The following FGD4 variants were observed in gnomAD, a reference collection of about 807,000 sequenced individuals.
The protein encoded by FGD4 is FYVE, RhoGEF and PH domain containing 4.
In FGD4, 42 loss-of-function variants were observed where a neutral mutation model predicts 102.0. That is an observed-to-expected ratio of 0.41 (90% CI 0.32 to 0.53). The LOEUF is 0.53. Among genes scored for constraint, FGD4 ranks in the 20% least tolerant of loss-of-function variants. FGD4 has a pLI of 0.21. For synonymous variants in FGD4, 380 were observed against 375.7 expected (o/e 1.01, Z -0.13); for missense variants, 902 against 1,078.2 (o/e 0.84, Z 2.29).
At chr12:32,452,040 A>T (rs1942792754) in intron 1 of FGD4, among the ~76,000 whole-genome samples, 1 of 152,138 alleles carries the variant, frequency 6.6e-6, no homozygotes, top group South Asian at 2.1e-4. Context: ...ATAGGAAGCT[A>T]CGTAAATGTG....
intron 1 of FGD4, among the ~76,000 whole-genome samples, chr12:32,531,928 C>G (rs1467676615): frequency 6.6e-6 from 1 of 152,106 alleles, no homozygotes; most frequent in African/African-American, 2.4e-5. Flanking sequence ...AATTGAGAGT[C>G]AATCATAATT....
At chr12:32,431,273 G>A (rs527711457) in intron 1 of FGD4, among the ~76,000 whole-genome samples, 1 of 152,214 alleles carries the variant, frequency 6.6e-6, no homozygotes, top group African/African-American at 2.4e-5. Flanking sequence ...AAACTTCCGG[G>A]AAAATTATAT....
chr12:32,490,956 G>A (rs982718654), intron 1 of FGD4, among the ~76,000 whole-genome samples: 2 of 152,038 alleles, frequency 1.3e-5, no homozygotes, highest in African/African-American at 4.8e-5. Flanking sequence ...TGCAGTATCC[G>A]ATATGTTTTG....
chr12:32,466,811 T>C (rs140532749), intron 1 of FGD4, among the ~76,000 whole-genome samples: 1 of 136,230 alleles, frequency 7.3e-6, no homozygotes, highest in Non-Finnish European at 1.5e-5. Context: ...GAGGTTGCAG[T>C]GAGCCAAGAT....
At chr12:32,412,152 G>T (rs1941236038) in intron 1 of FGD4, among the ~76,000 whole-genome samples, 1 of 152,210 alleles carries the variant, frequency 6.6e-6, no homozygotes, top group Admixed American at 6.5e-5. Flanking sequence ...ATTGATTACT[G>T]TGGAGAATGA....
chr12:32,593,344 C>G (rs559552660), intron 4 of FGD4, among the ~76,000 whole-genome samples: 1 of 152,300 alleles, frequency 6.6e-6, no homozygotes, highest in Non-Finnish European at 1.5e-5. Flanking sequence ...ATCTCCATCC[C>G]AAAATCCCTA....
At chr12:32,638,914 A>G (rs530585184) in intron 16 of FGD4, 119 bp downstream of exon 16, 1 of 1,539,352 alleles carries the variant, frequency 6.5e-7, no homozygotes, top group African/African-American at 1.4e-5. Flanking sequence ...TTTCATTAAA[A>G]TTGAAAAATA....
At chr12:32,428,885 A>G (rs1941944270) in intron 1 of FGD4, among the ~76,000 whole-genome samples, 2 of 152,224 alleles carry the variant, frequency 1.3e-5, no homozygotes, top group South Asian at 2.1e-4. Context: ...CAGGTCATTT[A>G]TGTTCTTCTC....
intron 1 of FGD4, among the ~76,000 whole-genome samples, chr12:32,438,359 A>G (rs1387719377): frequency 6.6e-6 from 1 of 152,174 alleles, no homozygotes; most frequent in Non-Finnish European, 1.5e-5. Flanking sequence ...GACAAAGGTA[A>G]AAATATCTGC....
intron 1 of FGD4, among the ~76,000 whole-genome samples, chr12:32,486,899 A>G (rs1184198141): frequency 1.3e-5 from 2 of 152,224 alleles, no homozygotes; most frequent in Non-Finnish European, 2.9e-5. Flanking sequence ...ACATCCAAGT[A>G]TAAGCTACTG....
intron 1 of FGD4, among the ~76,000 whole-genome samples, chr12:32,541,163 T>C (rs1942794334): frequency 6.6e-6 from 1 of 152,132 alleles, no homozygotes; most frequent in Non-Finnish European, 1.5e-5. Flanking sequence ...AAATAATGGA[T>C]AAGCTAGAAG....
At chr12:32,627,099 C>T (rs1281648959) in intron 14 of FGD4, among the ~76,000 whole-genome samples, 8 of 151,694 alleles carry the variant, frequency 5.3e-5, no homozygotes, top group Admixed American at 2.6e-4. Flanking sequence ...CCGCCCGCCT[C>T]GGCCTCCCAA....
chr12:32,613,851 A>G (rs1049232085), intron 10 of FGD4, among the ~76,000 whole-genome samples: 9 of 152,202 alleles, frequency 5.9e-5, no homozygotes, highest in African/African-American at 2.2e-4. Context: ...AAATTGAAGC[A>G]AGAACAAACA....
Position 32,411,714 on chromosome 12 carries a change from C to T in FGD4, c.166+11755C>T, listed in dbSNP as rs538963639. ...TACTGGTTGAGTGCAGTGGCTTACG[C>T]CTGTAATCCCAGCACTTTGGGAGGC... On this transcript the variant is annotated intron_variant, in intron 1 of 16. Transcript: ENST00000534526. 1.9e-4 allele frequency among the ~76,000 whole-genome samples: 29 copies of T among 152,238 alleles called. No individual in the cohort carries two copies. The South Asian group carries it at 3.5e-3, about 19-fold the overall frequency.
chr12:32,531,791 C>T (rs1941843141), intron 1 of FGD4, among the ~76,000 whole-genome samples: 1 of 152,212 alleles, frequency 6.6e-6, no homozygotes, highest in African/African-American at 2.4e-5. Context: ...GTTAGGATTG[C>T]TGGCTCATAG....
chr12:32,572,195 G>A (rs1236474388), intron 2 of FGD4, among the ~76,000 whole-genome samples: 3 of 152,170 alleles, frequency 2.0e-5, no homozygotes, highest in African/African-American at 7.2e-5. Flanking sequence ...TTTAGCTCTA[G>A]ATATATAATA....
chr12:32,623,579 AACT>A (rs1039544942), intron 11 of FGD4, among the ~76,000 whole-genome samples: 4 of 152,126 alleles, frequency 2.6e-5, no homozygotes, highest in Admixed American at 2.6e-4. Context: ...TTCAGGCTGG[AACT>A]CAACTTAGCC....
intron 1 of FGD4, among the ~76,000 whole-genome samples, chr12:32,463,146 A>G (rs1943153326): frequency 6.6e-6 from 1 of 152,250 alleles, no homozygotes; most frequent in Non-Finnish European, 1.5e-5. Flanking sequence ...CTTGGTGTGT[A>G]TGATCTCACT....
At chr12:32,520,529 G>A (rs756760137) in intron 1 of FGD4, among the ~76,000 whole-genome samples, 2 of 150,234 alleles carry the variant, frequency 1.3e-5, no homozygotes, top group African/African-American at 2.4e-5. Flanking sequence ...TCTGCTTCCC[G>A]GTTTCACGCC....
Sources: allele counts gnomAD v4.1 joint callset (sites outside exome capture counted in the v4.1 genomes callset), GRCh38; gene constraint gnomAD v4.1.1; transcripts MANE v1.5; gene names NCBI Gene and HGNC (gene_info 2026-07-23, HGNC 2026-07-21).